The following VPS13C variants were observed in gnomAD, a reference collection of about 807,000 sequenced individuals.
VPS13C encodes vacuolar protein sorting 13 homolog C.
Under a neutral mutation model 456.8 loss-of-function variants are expected in VPS13C, and 358 were observed. That is an observed-to-expected ratio of 0.78 (90% confidence interval 0.72 to 0.86). The LOEUF is 0.86. Ranked by LOEUF, VPS13C falls within the 40% of genes least tolerant of loss-of-function variation. The probability of loss-of-function intolerance (pLI) is 0.00; values close to 1 mark genes in which losing one functional copy is unlikely to be tolerated. For synonymous variants in VPS13C, 1,578 were observed against 1,486.7 expected (o/e 1.06, Z -1.41); for missense variants, 4,818 against 4,385.4 (o/e 1.10, Z -2.79).
At chr15:61,930,177 T>C (rs1392843465) in intron 50 of VPS13C, among the ~76,000 whole-genome samples, 1 of 152,224 alleles carries the variant, frequency 6.6e-6, no homozygotes, top group Non-Finnish European at 1.5e-5. Context: ...TCTTCAAAGA[T>C]CATCCTACGA....
chr15:62,052,684 A>G (rs2140789021), intron 1 of VPS13C, among the ~76,000 whole-genome samples: 1 of 151,804 alleles, frequency 6.6e-6, no homozygotes, highest in Non-Finnish European at 1.5e-5. Context: ...AAAAAAAAAA[A>G]AAAAAAAAAA....
intron 55 of VPS13C, among the ~76,000 whole-genome samples, 184 bp from the exon 56 acceptor site, chr15:61,920,831 T>C (rs1473295352): frequency 1.3e-5 from 2 of 152,138 alleles, no homozygotes; most frequent in Non-Finnish European, 2.9e-5. Context: ...TTTCAGGGTA[T>C]AGTCCAAGCA....
At chr15:61,936,107 A>G (rs950279940) in intron 48 of VPS13C, among the ~76,000 whole-genome samples, 2 of 152,224 alleles carry the variant, frequency 1.3e-5, no homozygotes, top group African/African-American at 4.8e-5. Flanking sequence ...TGAATTCAAA[A>G]GGTTCACTGC....
At chr15:61,981,230 A>C in intron 22 of VPS13C, 112 bp downstream of exon 22, 1 of 1,259,824 alleles carries the variant, frequency 7.9e-7, no homozygotes, top group Non-Finnish European at 1.1e-6. Flanking sequence ...AGGCTAAAAA[A>C]TAAGTCTACA....
intron 15 of VPS13C, among the ~76,000 whole-genome samples, chr15:62,001,359 G>C (rs540113026): frequency 2.6e-5 from 4 of 152,122 alleles, no homozygotes; most frequent in Admixed American, 2.0e-4. Flanking sequence ...TGGTGATTGT[G>C]ATATACTTCA....
At chr15:62,042,664 C>T (rs890874309) in intron 2 of VPS13C, among the ~76,000 whole-genome samples, 4 of 152,078 alleles carry the variant, frequency 2.6e-5, no homozygotes, top group Admixed American at 2.6e-4. Context: ...CATTTTAATC[C>T]TCCTGAAATA....
chr15:61,897,418 G>A (rs889846880), intron 66 of VPS13C, among the ~76,000 whole-genome samples: 1 of 152,180 alleles, frequency 6.6e-6, no homozygotes, highest in African/African-American at 2.4e-5. Context: ...GGAACTGATG[G>A]AGCTGAAAAC....
Position 62,060,344 on chromosome 15 carries a change from G to A in VPS13C, c.31C>T (p.Leu11=). The A allele has an allele frequency of 6.2e-7, 1 of 1,603,470 alleles. No homozygotes were observed. Among genetic ancestry groups the A allele is most frequent in the Non-Finnish European group, 8.5e-7 (1 of 1,175,740 alleles). ...ACATAGTCCCCCAGGAAGCGGTTCAGCAAGTCCGCGACCACCGACTCCAGC... is the reference window on the plus strand; with the variant it reads ...ACATAGTCCCCCAGGAAGCGGTTCAACAAGTCCGCGACCACCGACTCCAGC... MVLESVVADL[L]NRFLGDYVEN... The change falls in exon 1 of 85, where the codon CTG becomes TTG. Residue 11 remains leucine, a synonymous_variant. Transcript: ENST00000644861.
intron 66 of VPS13C, among the ~76,000 whole-genome samples, chr15:61,900,811 A>G (rs1337780167): frequency 6.6e-6 from 1 of 151,866 alleles, no homozygotes; most frequent in Non-Finnish European, 1.5e-5. Flanking sequence ...AGTCAATCCT[A>G]AGCCAAAAGA....
At chr15:61,984,825 GT>G in intron 19 of VPS13C, 31 bp downstream of exon 19, 1 of 1,601,390 alleles carries the variant, frequency 6.2e-7, no homozygotes, top group Non-Finnish European at 8.5e-7. Context: ...ATAACTAAAA[GT>G]AAAAATTGAA....
At chr15:61,913,155 A>C (rs1221329064) in intron 62 of VPS13C, among the ~76,000 whole-genome samples, 156 bp downstream of exon 62, 1 of 151,684 alleles carries the variant, frequency 6.6e-6, no homozygotes, top group East Asian at 1.9e-4. Flanking sequence ...TAGAAATACC[A>C]TTTGACCCAG....
intron 23 of VPS13C, 56 bp from the exon 24 acceptor site, chr15:61,977,255 TGGA>T: frequency 1.0e-6 from 1 of 1,001,032 alleles, no homozygotes; most frequent in Non-Finnish European, 1.4e-6. Flanking sequence ...CCATGGAACA[TGGA>T]TAAATATTAT....
At position 61,929,566 on chromosome 15, in the gene VPS13C, T is replaced by C. The variant is rs2043985050; in HGVS notation, c.6221A>G (p.Asn2074Ser). ...FIKAVPQSPE[N>S]VAKETQILPR... The stretch of plus-strand genomic sequence containing the variant: ...TAAAATCTGTGTTTCTTTTGCCACA[T>C]TTTCTGGACTCTGAGGCACAGCTTT... The change falls in exon 51 of 85, where the codon AAT becomes AGT. Residue 2074 changes from asparagine (N) to serine (S), a missense_variant. By Grantham distance (46) the Asn-to-Ser change is conservative (BLOSUM62 1). Coordinates refer to ENST00000644861, the MANE Select transcript of VPS13C (RefSeq NM_020821.3). 6.2e-7 allele frequency: 1 copy of C among 1,614,122 alleles called. No individual in the cohort carries two copies. The highest frequency in any genetic ancestry group is 8.5e-7 in the Non-Finnish European group (1 of 1,179,996).
intron 82 of VPS13C, among the ~76,000 whole-genome samples, 186 bp downstream of exon 82, chr15:61,863,254 C>A (rs915954000): frequency 6.6e-6 from 1 of 151,792 alleles, no homozygotes; most frequent in Non-Finnish European, 1.5e-5. Context: ...ATGAGGAGGT[C>A]GGAAAAGAAA....
intron 38 of VPS13C, among the ~76,000 whole-genome samples, chr15:61,952,298 G>T (rs574936945): frequency 6.6e-6 from 1 of 152,120 alleles, no homozygotes; most frequent in African/African-American, 2.4e-5. Context: ...TGTAGGATAT[G>T]AGGCAGCATC....
chr15:61,930,104 C>G (rs1361473365), intron 50 of VPS13C, among the ~76,000 whole-genome samples: 1 of 152,132 alleles, frequency 6.6e-6, no homozygotes, highest in Non-Finnish European at 1.5e-5. Flanking sequence ...TCAGTGTAGT[C>G]ACACAAAATA....
chr15:62,013,228 T>C (rs948244637), intron 10 of VPS13C, 109 bp from the exon 11 acceptor site: 36 of 645,010 alleles, frequency 5.6e-5, no homozygotes, highest in Non-Finnish European at 7.3e-5. Context: ...AAATGCCATT[T>C]TGAATTTTTA....
At position 62,010,614 on chromosome 15, in the gene VPS13C, G is replaced by T; in HGVS notation, c.884-15C>A. On this transcript the variant is annotated splice_polypyrimidine_tract_variant and intron_variant, in intron 12 of 84. Transcript: ENST00000644861. ...TGGCTGGAAAACTTACATCACATGG[G>T]AAGACATAAGATATGTTCATATGCT... is the stretch of plus-strand genomic sequence containing the variant. The T allele has an allele frequency of 6.2e-7, 1 of 1,605,432 alleles. No homozygotes were observed.
rs115147389 is a variant in VPS13C, at chr15:61,984,730, T to G, written c.1721+127A>C. On this transcript the variant is annotated intron_variant, in intron 19 of 84. Transcript: ENST00000644861. ...AACAAGAGCAAATATAAAAAGGCTATCTTGACATATACAAGGAAAAGAAAT... is the reference window on the plus strand; with the variant it reads ...AACAAGAGCAAATATAAAAAGGCTAGCTTGACATATACAAGGAAAAGAAAT... 8.8e-4 allele frequency: 835 copies of G among 949,812 alleles called. 8 individuals are homozygous for G. In the African/African-American group the frequency reaches 0.013, roughly 15 times the overall value. The allele number at this position is 949,812 out of a possible 1,614,324, so 58.8% of individuals were successfully genotyped here.
Sources: allele counts gnomAD v4.1 joint callset (sites outside exome capture counted in the v4.1 genomes callset), GRCh38; gene constraint gnomAD v4.1.1; transcripts MANE v1.5; gene names NCBI Gene and HGNC (gene_info 2026-07-23, HGNC 2026-07-21).